The following ZNF619 variants were observed in gnomAD, a reference collection of about 807,000 sequenced individuals.
ZNF619 encodes zinc finger protein 619.
A neutral mutation model predicts 14.2 loss-of-function variants in ZNF619; 9 were observed. That is an observed-to-expected ratio of 0.64 (90% CI 0.38 to 1.11). ZNF619 has a LOEUF of 1.11. Ranked by LOEUF, ZNF619 falls within the 50% of genes least tolerant of loss-of-function variation. The pLI is 0.01. For missense variants in ZNF619, 659 were observed against 680.1 expected (o/e 0.97, Z 0.34); for synonymous variants, 246 against 252.8 (o/e 0.97, Z 0.26).
rs764163695 is a variant in ZNF619 at position 40,487,313 on chromosome 3, C to A, written c.803C>A (p.Ala268Asp). Reference protein sequence around the residue: ...KPYSCEECGQAFSQNSHLLQH... With the variant: ...KPYSCEECGQDFSQNSHLLQH... ...TACTCATGTGAGGAATGTGGACAAGCCTTCAGTCAAAATTCCCACCTTCTT... is the reference window on the plus strand; with the variant it reads ...TACTCATGTGAGGAATGTGGACAAGACTTCAGTCAAAATTCCCACCTTCTT... The change falls in exon 5 of 5, where the codon GCC becomes GAC. Residue 268 changes from alanine to aspartate, a missense_variant. Physicochemically the swap from Ala to Asp is moderately radical, Grantham distance 126. Transcript: ENST00000432264. 2.5e-6 allele frequency: 4 copies of A among 1,614,048 alleles called. No homozygotes were observed. The highest frequency in any genetic ancestry group is 3.4e-6 in the Non-Finnish European group (4 of 1,180,000).
intron 2 of ZNF619, 150 bp downstream of exon 2, chr3:40,478,153 G>A (rs1034353511): frequency 1.9e-5 from 13 of 699,722 alleles, no homozygotes; most frequent in Admixed American, 2.9e-5. Flanking sequence ...GTTGACGAAC[G>A]AGAGTAGGTG....
rs539092578 is a variant in ZNF619 at position 40,480,815 on chromosome 3, T to G, written c.25-1048T>G. ...GTGCCCAGCCCAAATCTTCTAGTAC[T>G]TCTATGTTAGATTTCTTCACTCAGA... On this transcript the variant is annotated intron_variant, in intron 2 of 4. Transcript: ENST00000432264. Among the ~76,000 whole-genome samples the G allele has an allele frequency of 2.6e-5, 4 of 152,268 alleles. No individual in the cohort carries two copies. The South Asian group carries it at 8.3e-4, about 32-fold the overall frequency.
chr3:40,480,341 G>A (rs1435139166), intron 2 of ZNF619, among the ~76,000 whole-genome samples: 1 of 152,114 alleles, frequency 6.6e-6, no homozygotes, highest in African/African-American at 2.4e-5. Flanking sequence ...TCTGATTACT[G>A]TATAGTTACT....
Position 40,487,307 on chromosome 3 carries a change from G to T in ZNF619, c.797G>T (p.Gly266Val). The stretch of plus-strand genomic sequence containing the variant: ...AAACCATACTCATGTGAGGAATGTG[G>T]ACAAGCCTTCAGTCAAAATTCCCAC... ...GEKPYSCEEC[G>V]QAFSQNSHLL... is the part of the protein sequence containing the mutation. The change falls in exon 5 of 5, where the codon GGA becomes GTA. Residue 266 changes from glycine (G) to valine (V), a missense_variant. Transcript: ENST00000432264. 1 of 1,614,116 alleles carries T rather than the reference G, an allele frequency of 6.2e-7. No individual in the cohort carries two copies. Among genetic ancestry groups the T allele is most frequent in the Non-Finnish European group, 8.5e-7 (1 of 1,180,026 alleles).
chr3:40,479,961 T>C (rs1697329318), intron 2 of ZNF619, among the ~76,000 whole-genome samples: 1 of 152,140 alleles, frequency 6.6e-6, no homozygotes, highest in Non-Finnish European at 1.5e-5. Flanking sequence ...CCACTTCCTA[T>C]AGAAGGGAGT....
chr3:40,482,076 C>A, intron 3 of ZNF619, 60 bp downstream of exon 3: 1 of 1,555,296 alleles, frequency 6.4e-7, no homozygotes. Context: ...TAGATTCCTC[C>A]TTAGCAGAAC....
Position 40,486,981 on chromosome 3 carries a change from A to G in ZNF619, c.471A>G (p.Ile157Met). 1 of 1,614,220 alleles carries G rather than the reference A, an allele frequency of 6.2e-7. No homozygotes were observed. Among genetic ancestry groups the G allele is most frequent in the South Asian group, 1.1e-5 (1 of 91,084 alleles). The change falls in exon 5 of 5, where the codon ATA (isoleucine) becomes ATG (methionine). Residue 157 changes from isoleucine (I) to methionine (M), a missense_variant. By Grantham distance (10) the Ile-to-Met change is conservative (BLOSUM62 1). Coordinates refer to ENST00000432264, the MANE Select transcript of ZNF619 (RefSeq NM_001145093.4). ...ATGATACAGGGAATAAAACAAAGATAGGGGATTGCACAGATTTGACAGTCC... is the reference window on the plus strand; with the variant it reads ...ATGATACAGGGAATAAAACAAAGATGGGGGATTGCACAGATTTGACAGTCC... Reference protein sequence around the residue: ...QLHDTGNKTKIGDCTDLTVQD... With the variant: ...QLHDTGNKTKMGDCTDLTVQD...
chr3:40,477,871 A>T, intron 1 of ZNF619, 47 bp from the exon 2 acceptor site: 1 of 1,044,068 alleles, frequency 9.6e-7, no homozygotes, highest in East Asian at 2.6e-5. Context: ...AAGAGGCGGC[A>T]AGTGTAGGAG....
rs989039936 is a variant in ZNF619 at position 40,490,724 on chromosome 3, T to G, written c.*2483T>G. 6.6e-6 allele frequency among the ~76,000 whole-genome samples: 1 copy of G among 152,224 alleles called. No homozygotes were observed. The highest frequency in any genetic ancestry group is 2.4e-5 in the African/African-American group (1 of 41,450). ...TTCTTAATATTTTCTCTAGCTTTAT[T>G]ATAAGAATATAGTGTCTAATATGTA... On this transcript the variant is annotated 3_prime_UTR_variant, in exon 5 of 5. Coordinates refer to ENST00000432264, the MANE Select transcript of ZNF619 (RefSeq NM_001145093.4).
intron 4 of ZNF619, among the ~76,000 whole-genome samples, chr3:40,484,677 G>A (rs993005893): frequency 3.9e-5 from 6 of 152,194 alleles, no homozygotes; most frequent in Admixed American, 1.3e-4. Context: ...AACACCTGAA[G>A]TGTGTCTAGT....
At chr3:40,484,650 G>T (rs951161313) in intron 4 of ZNF619, among the ~76,000 whole-genome samples, 6 of 152,294 alleles carry the variant, frequency 3.9e-5, no homozygotes, top group African/African-American at 1.4e-4. Context: ...TATTTAGCCT[G>T]CCAGATGAAT....
chr3:40,479,669 G>A (rs1335758424), intron 2 of ZNF619, among the ~76,000 whole-genome samples: 1 of 152,208 alleles, frequency 6.6e-6, no homozygotes, highest in Non-Finnish European at 1.5e-5. Flanking sequence ...AGGGAGTCTA[G>A]CTTAGAGCAG....
At chr3:40,480,444 G>A (rs149861836) in intron 2 of ZNF619, among the ~76,000 whole-genome samples, 2 of 151,036 alleles carry the variant, frequency 1.3e-5, no homozygotes, top group South Asian at 4.2e-4. Flanking sequence ...CCTAGATTTA[G>A]CATCCATTGA....
intron 4 of ZNF619, among the ~76,000 whole-genome samples, chr3:40,485,470 T>A (rs979679515): frequency 6.6e-6 from 1 of 152,008 alleles, no homozygotes; most frequent in Non-Finnish European, 1.5e-5. Flanking sequence ...TCCGGCTAAT[T>A]TTTTGTATTT....
At chr3:40,483,099 A>C (rs1011202575) in intron 4 of ZNF619, among the ~76,000 whole-genome samples, 1 of 152,056 alleles carries the variant, frequency 6.6e-6, no homozygotes, top group Non-Finnish European at 1.5e-5. Context: ...AGTGCCAGCT[A>C]CTCAGGAGGC....
chr3:40,480,206 A>G lies in ZNF619; in HGVS notation c.25-1657A>G, dbSNP rs189082902. On this transcript the variant is annotated intron_variant, in intron 2 of 4. Transcript: ENST00000432264. ...TGAAGGAAGTAAGAGAAGAGTATTAACAGATGTATCTATTCTGCACTGTCC... is the reference window on the plus strand; with the variant it reads ...TGAAGGAAGTAAGAGAAGAGTATTAGCAGATGTATCTATTCTGCACTGTCC... Among the ~76,000 whole-genome samples the G allele has an allele frequency of 2.6e-4, 40 of 152,304 alleles. No individual in the cohort carries two copies. In the East Asian group the frequency reaches 5.8e-3, roughly 22 times the overall value.
chr3:40,485,186 T>C (rs1324204652), intron 4 of ZNF619, among the ~76,000 whole-genome samples: 1 of 152,220 alleles, frequency 6.6e-6, no homozygotes, highest in South Asian at 2.1e-4. Context: ...AACCATATTC[T>C]TTAAACTCTG....
rs2125647530 is a variant in ZNF619, at chr3:40,489,408, C to G, written c.*1167C>G. On this transcript the variant is annotated 3_prime_UTR_variant, in exon 5 of 5. Coordinates refer to ENST00000432264, the MANE Select transcript of ZNF619 (RefSeq NM_001145093.4). ...CCCTGGGGGCATACACCACCACACC[C>G]AGCTAATTTTTGTATTTTTTGTAGA... 1 of 150,390 alleles carries G rather than the reference C, an allele frequency of 6.6e-6. No homozygotes were observed. The highest frequency in any genetic ancestry group is 2.2e-4 in the South Asian group (1 of 4,630). The allele number at this position is 150,390 out of a possible 1,614,324, so 9.3% of individuals were successfully genotyped here. A position where few individuals can be genotyped will look rare whatever the true frequency, so the allele number is the denominator to read the frequency against.
In ZNF619 at chr3:40,487,382, C is replaced by G. The variant is rs371071262; in HGVS notation, c.872C>G (p.Thr291Ser). Residue 291 changes from threonine (T) to serine (S), a missense_variant, in exon 5 of 5, where the codon ACT (threonine) becomes AGT (serine). Physicochemically the swap from Thr to Ser is moderately conservative, Grantham distance 58. Coordinates refer to ENST00000432264, the MANE Select transcript of ZNF619 (RefSeq NM_001145093.4). ...GGTGGACAGAGGCCCTATGAATGTA[C>G]TGACTGTGGTAAAACCTTCAGTTAT... ...LHGGQRPYEC[T>S]DCGKTFSYNS... 1 of 1,614,214 alleles carries G rather than the reference C, an allele frequency of 6.2e-7. No individual in the cohort carries two copies. Among genetic ancestry groups the G allele is most frequent in the East Asian group, 2.2e-5 (1 of 44,878 alleles).
Sources: gnomAD v4.1 joint callset for allele counts (sites outside exome capture counted in the v4.1 genomes callset) on GRCh38, gnomAD v4.1.1 for gene constraint, MANE v1.5 for transcripts, NCBI Gene and HGNC (gene_info 2026-07-23, HGNC 2026-07-21) for gene names.